Variants in MYO6 observed in about 807,000 individuals in gnomAD.
MYO6 encodes unconventional myosin-VI.
In MYO6, 74 loss-of-function variants were observed where a neutral mutation model predicts 178.7. The observed-to-expected ratio is 0.41, with a 90% CI of 0.34 to 0.50. The LOEUF (loss-of-function observed/expected upper bound fraction) is 0.50, where lower values mean the gene tolerates loss of function less well. Ranked by LOEUF, MYO6 falls within the 20% of genes least tolerant of loss-of-function variation. MYO6 has a pLI of 0.09. For synonymous variants in MYO6, 477 were observed against 504.6 expected, an observed-to-expected ratio of 0.95 and a Z score of 0.73; for missense variants, 1,330 against 1,547.4, an observed-to-expected ratio of 0.86 and a Z score of 2.36.
intron 1 of MYO6, among the ~76,000 whole-genome samples, chr6:75,763,983 G>A (rs1778174260): frequency 6.6e-6 from 1 of 152,150 alleles, no homozygotes; most frequent in South Asian, 2.1e-4. Context: ...TGACTACTCT[G>A]TAACTAATTA....
intron 1 of MYO6, among the ~76,000 whole-genome samples, chr6:75,756,651 T>C (rs978820468): frequency 6.6e-6 from 1 of 152,166 alleles, no homozygotes; most frequent in Non-Finnish European, 1.5e-5. Flanking sequence ...CTATTGTTTA[T>C]TGAGCTTTTA....
intron 11 of MYO6, among the ~76,000 whole-genome samples, chr6:75,853,919 C>T (rs75036530): frequency 0.018 from 2,649 of 148,630 alleles, 71 homozygotes; most frequent in African/African-American, 0.061. Flanking sequence ...AAATAGCAAC[C>T]ATGTAAGGTA....
intron 1 of MYO6, among the ~76,000 whole-genome samples, chr6:75,749,898 G>A (rs1209268836): frequency 2.0e-5 from 3 of 151,980 alleles, no homozygotes; most frequent in African/African-American, 4.8e-5. Flanking sequence ...GTCTCCAGGT[G>A]GTCCAGTACC....
At chr6:75,796,936 C>T (rs1030172365) in intron 1 of MYO6, among the ~76,000 whole-genome samples, 3 of 152,124 alleles carry the variant, frequency 2.0e-5, no homozygotes, top group Non-Finnish European at 4.4e-5. Flanking sequence ...TTAATGGCTG[C>T]ATAGTATTCC....
intron 16 of MYO6, among the ~76,000 whole-genome samples, chr6:75,864,514 A>T (rs3778006): frequency 0.092 from 14,057 of 152,234 alleles, 860 homozygotes; most frequent in East Asian, 0.29. Context: ...TATATATCCA[A>T]TCCTATTCCT....
chr6:75,766,121 G>A (rs766324929), intron 1 of MYO6, among the ~76,000 whole-genome samples: 15 of 152,080 alleles, frequency 9.9e-5, no homozygotes, highest in Non-Finnish European at 1.0e-4. Flanking sequence ...CCAGGAGTTC[G>A]AGACTATCCT....
In MYO6 at chr6:75,914,827, G is replaced by A; in HGVS notation, c.3673G>A (p.Glu1225Lys). 6.2e-7 allele frequency: 1 copy of A among 1,614,208 alleles called. No individual in the cohort carries two copies. The highest frequency in any genetic ancestry group is 8.5e-7 in the Non-Finnish European group (1 of 1,180,020). Reference sequence around the variant, plus strand: ...CATGAATACAGGTAAGGACGACATGGAGATGTGTGAGCTGAATCTTGAGGA... The same window carrying A: ...CATGAATACAGGTAAGGACGACATGAAGATGTGTGAGCTGAATCTTGAGGA... ...ILLVAGKDDMEMCELNLEETG... is the reference protein window; with the variant it reads ...ILLVAGKDDMKMCELNLEETG... Residue 1225 changes from glutamate to lysine, a missense_variant, in exon 35 of 35, where the codon GAG (glutamate) becomes AAG (lysine). Around this residue, in one of 3 missense-constraint regions of MYO6, gnomAD observed 601 missense variants for 626.1 expected, o/e 0.96. Coordinates refer to ENST00000369977, the MANE Select transcript of MYO6 (RefSeq NM_004999.4).
intron 1 of MYO6, among the ~76,000 whole-genome samples, chr6:75,803,158 A>G (rs1211296955): frequency 6.6e-6 from 1 of 152,262 alleles, no homozygotes; most frequent in Non-Finnish European, 1.5e-5. Flanking sequence ...TAAGAAAATC[A>G]TATAATCAGT....
intron 1 of MYO6, among the ~76,000 whole-genome samples, chr6:75,791,940 T>G (rs1239371631): frequency 6.6e-6 from 1 of 150,672 alleles, no homozygotes; most frequent in African/African-American, 2.5e-5. Flanking sequence ...GCAAAATATT[T>G]CTACAGTGGG....
intron 10 of MYO6, 25 bp from the exon 11 acceptor site, chr6:75,848,326 T>C (rs749429199): frequency 1.4e-5 from 23 of 1,601,890 alleles, no homozygotes; most frequent in Non-Finnish European, 1.9e-5. Context: ...AACGATCAGT[T>C]AATTGGTGTC....
chr6:75,757,623 G>C (rs1176514191), intron 1 of MYO6, among the ~76,000 whole-genome samples: 1 of 151,878 alleles, frequency 6.6e-6, no homozygotes, highest in Non-Finnish European at 1.5e-5. Context: ...TTCCAGAGTT[G>C]CGTTTAAGCA....
intron 9 of MYO6, among the ~76,000 whole-genome samples, chr6:75,842,238 C>T (rs1562236418): frequency 1.3e-5 from 2 of 151,888 alleles, no homozygotes; most frequent in South Asian, 2.1e-4. Context: ...GCATTACAAG[C>T]GAGTAGAGTT....
At position 75,879,859 on chromosome 6, in the gene MYO6, C is replaced by T; in HGVS notation, c.2117C>T (p.Pro706Leu). ...TTGGACTTGATGCAGGGTGGTTACC[C>T]ATCACGAGCTTCATTTCATGAACTC... ...SVLDLMQGGY[P>L]SRASFHELYN... Residue 706 changes from proline (P) to leucine (L), a missense_variant, in exon 21 of 35, where the codon CCA (proline) becomes CTA (leucine). This residue lies in a region of MYO6 where 613 missense variants were observed against 816.8 expected (regional missense o/e 0.75). Coordinates refer to ENST00000369977, the MANE Select transcript of MYO6 (RefSeq NM_004999.4). The T allele has an allele frequency of 6.2e-7, 1 of 1,614,042 alleles. No homozygotes were observed.
intron 1 of MYO6, among the ~76,000 whole-genome samples, chr6:75,797,294 T>C (rs867914210): frequency 2.0e-5 from 3 of 152,156 alleles, no homozygotes; most frequent in African/African-American, 7.2e-5. Flanking sequence ...GGTTTCTTCA[T>C]GTTGGTCAGG....
intron 1 of MYO6, among the ~76,000 whole-genome samples, chr6:75,770,452 C>G (rs9447546): frequency 0.055 from 8,316 of 152,148 alleles, 493 homozygotes; most frequent in African/African-American, 0.15. Flanking sequence ...ATGTGGTATT[C>G]AAACTTCTAA....
chr6:75,872,841 G>A (rs577590837), intron 19 of MYO6, among the ~76,000 whole-genome samples: 35 of 151,266 alleles, frequency 2.3e-4, no homozygotes, highest in African/African-American at 8.0e-4. Context: ...GTGCAGTGGC[G>A]TGATCTCAGC....
chr6:75,824,048 T>C lies in MYO6; in HGVS notation c.187+1197T>C, dbSNP rs552536564. On this transcript the variant is annotated intron_variant, in intron 3 of 34. Transcript: ENST00000369977. ...TAATAAGGAATGAGACTGTACCATA[T>C]CTAAAATACAAATTTTTGTGCTGTT... Among the ~76,000 whole-genome samples the C allele has an allele frequency of 1.1e-4, 17 of 152,348 alleles. No homozygotes were observed. The East Asian group carries it at 3.3e-3, about 29-fold the overall frequency.
intron 28 of MYO6, among the ~76,000 whole-genome samples, chr6:75,894,174 A>C (rs967003574): frequency 1.3e-5 from 2 of 152,212 alleles, no homozygotes; most frequent in African/African-American, 4.8e-5. Context: ...ATCCAGTGCC[A>C]TTCCATATAC....
intron 1 of MYO6, among the ~76,000 whole-genome samples, chr6:75,775,107 T>C (rs1305315787): frequency 6.6e-6 from 1 of 152,182 alleles, no homozygotes; most frequent in Non-Finnish European, 1.5e-5. Flanking sequence ...AATTATTTTA[T>C]GTATACAAGA....
Sources: gnomAD v4.1 joint callset for allele counts (sites outside exome capture counted in the v4.1 genomes callset) on GRCh38, gnomAD v4.1.1 for gene constraint, gnomAD v4.1.1 regional missense constraint, MANE v1.5 for transcripts, NCBI Gene and HGNC (gene_info 2026-07-23, HGNC 2026-07-21) for gene names.